The following RUFY2 variants were observed in gnomAD, a reference collection of about 807,000 sequenced individuals.
RUFY2 encodes RUN and FYVE domain containing 2, also known as RUN and FYVE domain-containing protein 2.
In RUFY2, 49 loss-of-function variants were observed where a neutral mutation model predicts 94.4. The observed-to-expected ratio is 0.52, with a 90% CI of 0.41 to 0.66. The LOEUF (loss-of-function observed/expected upper bound fraction) is 0.66. Ranked by LOEUF, RUFY2 falls within the 30% of genes least tolerant of loss-of-function variation. RUFY2 has a pLI of 0.00. For missense variants in RUFY2, 541 were observed against 692.8 expected (o/e 0.78, Z 2.46); for synonymous variants, 255 against 235.7 (o/e 1.08, Z -0.75).
Position 68,364,921 on chromosome 10 carries a change from T to TA in RUFY2, c.1326-809dup, listed in dbSNP as rs143940020. Among the ~76,000 whole-genome samples, 73 of 144,936 alleles carry TA rather than the reference T, an allele frequency of 5.0e-4. 1 individual carries two copies. Among genetic ancestry groups the TA allele is most frequent in the Admixed American group, 1.8e-3 (26 of 14,382 alleles). ...TTGAATTTCCACATTTTAAGTTGAC[T>TA]AAAAAAAAAACAAACACAAATCACT... is the stretch of plus-strand genomic sequence containing the variant. On this transcript the variant is annotated intron_variant, in intron 13 of 17. Transcript: ENST00000602465.
chr10:68,406,594 G>T (rs889428039), intron 1 of RUFY2, among the ~76,000 whole-genome samples: 1 of 152,060 alleles, frequency 6.6e-6, no homozygotes, highest in African/African-American at 2.4e-5. Context: ...GCCCGTACGC[G>T]ACCCCCAAAC....
intron 4 of RUFY2, 90 bp from the exon 5 acceptor site, chr10:68,394,541 C>A: frequency 2.2e-6 from 2 of 918,766 alleles, no homozygotes; most frequent in South Asian, 1.6e-5. Context: ...TAATCTTCTA[C>A]CTTACAGAAA....
intron 12 of RUFY2, 74 bp downstream of exon 12, chr10:68,379,350 G>T: frequency 1.9e-6 from 2 of 1,027,228 alleles, no homozygotes; most frequent in Non-Finnish European, 2.8e-6. Context: ...GGTTTTTGTG[G>T]CAGGTGTAGG....
In RUFY2 at chr10:68,401,775, T is replaced by C. The variant is rs771909465; in HGVS notation, c.179-38A>G. On this transcript the variant is annotated intron_variant, in intron 2 of 17. Coordinates refer to ENST00000602465, the MANE Select transcript of RUFY2 (RefSeq NM_001330103.2). ...ACACATAATGCACACAATGTCAACA[T>C]AAAAAACTGTAGTAACTTATTTTTA... is the stretch of plus-strand genomic sequence containing the variant. The C allele has an allele frequency of 6.1e-6, 7 of 1,146,082 alleles. No individual in the cohort carries two copies. In the African/African-American group the frequency reaches 9.2e-5, roughly 15 times the overall value. The allele number at this position is 1,146,082 out of a possible 1,614,324, so 71.0% of individuals were successfully genotyped here.
At chr10:68,346,284 A>G (rs2046268338) in intron 16 of RUFY2, 200 bp from the exon 17 acceptor site, 1 of 509,080 alleles carries the variant, frequency 2.0e-6, no homozygotes, top group Non-Finnish European at 3.4e-6. Flanking sequence ...TGGGATGTGG[A>G]TTAAGTATAA....
intron 15 of RUFY2, 130 bp downstream of exon 15, chr10:68,363,460 G>A (rs773014040): frequency 1.1e-4 from 60 of 566,008 alleles, no homozygotes; most frequent in East Asian, 2.5e-4. Context: ...GATTACAGGC[G>A]TGAACCACCG....
chr10:68,371,636 G>A (rs1192226026), intron 13 of RUFY2, among the ~76,000 whole-genome samples: 1 of 150,478 alleles, frequency 6.6e-6, no homozygotes, highest in African/African-American at 2.4e-5. Context: ...AGGCTCTGAA[G>A]GGGAGAAGAA....
At chr10:68,360,729 C>T (rs1034689443) in intron 15 of RUFY2, among the ~76,000 whole-genome samples, 5 of 151,958 alleles carry the variant, frequency 3.3e-5, no homozygotes, top group African/African-American at 1.2e-4. Context: ...GCCTGGGCGA[C>T]AGAGCGAGAC....
At chr10:68,404,327 A>T (rs749134660) in intron 2 of RUFY2, among the ~76,000 whole-genome samples, 2 of 152,214 alleles carry the variant, frequency 1.3e-5, no homozygotes, top group African/African-American at 2.4e-5. Context: ...GCAGTTGTTC[A>T]ACAGGGTTCG....
At chr10:68,376,443 T>TAA in intron 13 of RUFY2, among the ~76,000 whole-genome samples, 1 of 3,788 alleles carries the variant, frequency 2.6e-4, no homozygotes, top group Admixed American at 1.4e-3. Context: ...AAAATGTGTG[T>TAA]ATATATATAT....
At position 68,405,324 on chromosome 10, in the gene RUFY2, A is replaced by AAG. The variant is rs532921655; in HGVS notation, c.5-481_5-480insCT. 1,370 of 320,692 alleles carry AAG rather than the reference A, an allele frequency of 4.3e-3. 11 individuals carry two copies. The highest frequency in any genetic ancestry group is 0.017 in the Middle Eastern group (11 of 640). 19.9% of individuals were successfully genotyped at this position (320,692 alleles called of 1,614,324 possible). The stretch of plus-strand genomic sequence containing the variant: ...GAATCTCCGTCTCACAAAAAAAAAA[A>AAG]AAAGAAAAAGAAAGAAAGAAAGAAA... On this transcript the variant is annotated intron_variant, in intron 1 of 17. Transcript: ENST00000602465.
Position 68,393,199 on chromosome 10 carries a change from C to A in RUFY2, c.589G>T (p.Val197Phe). ...TGGTCTAATATGGCAGCAATTTGAACATTCCTAAATGAGGAAAAAAGTAGC... is the reference window on the plus strand; with the variant it reads ...TGGTCTAATATGGCAGCAATTTGAAAATTCCTAAATGAGGAAAAAAGTAGC... ...EEDIGNKERN[V>F]QIAAILDQKN... is the part of the protein sequence containing the mutation. Residue 197 changes from valine (V) to phenylalanine (F), a missense_variant, in exon 7 of 18, where the codon GTT becomes TTT. This residue lies in a region of RUFY2 where 403 missense variants were observed against 480.7 expected (regional missense o/e 0.84). Transcript: ENST00000602465. 1 of 1,553,278 alleles carries A rather than the reference C, an allele frequency of 6.4e-7. No individual in the cohort carries two copies. Among genetic ancestry groups the A allele is most frequent in the South Asian group, 1.2e-5 (1 of 85,858 alleles).
At chr10:68,405,295 G>C in intron 1 of RUFY2, 1 of 184,396 alleles carries the variant, frequency 5.4e-6, no homozygotes, top group Non-Finnish European at 9.5e-6. Context: ...TCTGGTGACA[G>C]AGCGAATCTC....
At chr10:68,405,628 T>C in intron 1 of RUFY2, 1 of 825,398 alleles carries the variant, frequency 1.2e-6, no homozygotes, top group South Asian at 5.5e-5. Context: ...ATTCTAGGAT[T>C]CCAGTGTCAT....
At chr10:68,402,359 C>T (rs1318731603) in intron 2 of RUFY2, among the ~76,000 whole-genome samples, 1 of 151,930 alleles carries the variant, frequency 6.6e-6, no homozygotes, top group Non-Finnish European at 1.5e-5. Flanking sequence ...ATGAAATTGC[C>T]ATACATTTTT....
chr10:68,373,962 T>A (rs1250502373), intron 13 of RUFY2, among the ~76,000 whole-genome samples: 7 of 150,020 alleles, frequency 4.7e-5, no homozygotes, highest in African/African-American at 1.7e-4. Context: ...AAAAGAAAAA[T>A]AAGTTAGCTG....
chr10:68,366,372 A>C (rs2047819006), intron 13 of RUFY2, among the ~76,000 whole-genome samples: 1 of 150,842 alleles, frequency 6.6e-6, no homozygotes, highest in Non-Finnish European at 1.5e-5. Context: ...AAAAAGGAAG[A>C]TGTAAGTACA....
At chr10:68,354,436 A>C (rs1230031198) in intron 16 of RUFY2, among the ~76,000 whole-genome samples, 1 of 152,102 alleles carries the variant, frequency 6.6e-6, no homozygotes, top group Non-Finnish European at 1.5e-5. Flanking sequence ...TTGGCCTCCC[A>C]AAGTGCTATG....
chr10:68,391,429 A>G (rs76556145), intron 7 of RUFY2, among the ~76,000 whole-genome samples: 16,505 of 151,844 alleles, frequency 0.11, 1,109 homozygotes, highest in South Asian at 0.24. Context: ...TGGGAGGATT[A>G]CTTTAACCCA....
Sources: allele counts gnomAD v4.1 joint callset (sites outside exome capture counted in the v4.1 genomes callset), GRCh38; gene constraint gnomAD v4.1.1; regional missense constraint gnomAD v4.1.1; transcripts MANE v1.5; gene names NCBI Gene and HGNC (gene_info 2026-07-23, HGNC 2026-07-21).